PRSS21: variants seen among roughly 807,000 people sequenced by gnomAD.
The protein encoded by PRSS21 is serine protease 21, also known as testisin.
PRSS21 carries 40 observed loss-of-function variants against 31.1 expected under a neutral mutation model. The observed-to-expected ratio is 1.29, with a 90% confidence interval of 1.00 to 1.68. PRSS21 has a LOEUF of 1.68. Ranked by LOEUF, PRSS21 falls within the 40% of genes most tolerant of loss-of-function variation. PRSS21 has a pLI of 0.00. For missense variants in PRSS21, 467 were observed against 412.6 expected, an observed-to-expected ratio of 1.13 and a Z score of -1.14; for synonymous variants, 186 against 167.7, an observed-to-expected ratio of 1.11 and a Z score of -0.84.
Position 2,817,596 on chromosome 16 carries a change from A to T in PRSS21, c.91+140A>T. On this transcript the variant is annotated intron_variant, in intron 2 of 5. Transcript: ENST00000005995. This position sits in a 1 kb window ranked among gnomAD's most constrained non-coding sequence, Gnocchi z 4.2. ...GAGAACTCTGTTGGCGTGGAAAGTA[A>T]CTAACGGACGCTGGAGGGGGATGGG... 1.5e-6 allele frequency: 2 copies of T among 1,360,694 alleles called. 1 individual carries two copies. The highest frequency in any genetic ancestry group is 2.0e-6 in the Non-Finnish European group (2 of 1,018,902). The allele number at this position is 1,360,694 out of a possible 1,614,324, so 84.3% of individuals were successfully genotyped here. A position where few individuals can be genotyped will look rare whatever the true frequency, so the allele number is the denominator to read the frequency against.
rs750672979 is a variant in PRSS21 at position 2,821,596 on chromosome 16, G to A, written c.936G>A (p.Gly312=). The A allele has an allele frequency of 3.1e-6, 5 of 1,612,220 alleles. No homozygotes were observed. Among genetic ancestry groups the A allele is most frequent in the Non-Finnish European group, 4.2e-6 (5 of 1,179,614 alleles). Residue 312 remains glycine (G), a synonymous_variant, in exon 6 of 6, where the codon GGG becomes GGA. Transcript: ENST00000005995. Reference sequence around the variant, plus strand: ...TTCTCTGGGCTCTCCCACTCCTGGGGCCGGTCTGAGCCTACCTGAGCCCAT... The same window carrying A: ...TTCTCTGGGCTCTCCCACTCCTGGGACCGGTCTGAGCCTACCTGAGCCCAT... The part of the protein sequence containing the change: ...FPLLWALPLL[G]PV
chr16:2,820,770 G>T (rs1185496488), intron 4 of PRSS21, among the ~76,000 whole-genome samples, 185 bp from the exon 5 acceptor site: 1 of 152,156 alleles, frequency 6.6e-6, no homozygotes, highest in African/African-American at 2.4e-5. Context: ...TCCCTCCCCG[G>T]GGCCTTCTGT....
In PRSS21 at chr16:2,817,586, G is replaced by C; in HGVS notation, c.91+130G>C. ...CCCCGGGATCGAGAACTCTGTTGGC[G>C]TGGAAAGTAACTAACGGACGCTGGA... is the stretch of plus-strand genomic sequence containing the variant. On this transcript the variant is annotated intron_variant, in intron 2 of 5. Transcript: ENST00000005995. This position sits in a 1 kb window ranked among gnomAD's most constrained non-coding sequence, Gnocchi z 4.2. The C allele has an allele frequency of 1.4e-6, 2 of 1,395,458 alleles. No homozygotes were observed. The highest frequency in any genetic ancestry group is 2.5e-5 in the East Asian group (1 of 39,920). 86.4% of individuals were successfully genotyped at this position (1,395,458 alleles called of 1,614,324 possible). A position where few individuals can be genotyped will look rare whatever the true frequency, so the allele number is the denominator to read the frequency against.
rs2069086372 is a variant in PRSS21 at position 2,817,244 on chromosome 16, G to C, written c.-25G>C. 1 of 1,489,118 alleles carries C rather than the reference G, an allele frequency of 6.7e-7. No individual in the cohort carries two copies. The highest frequency in any genetic ancestry group is 1.5e-5 in the African/African-American group (1 of 68,208). 92.2% of individuals were successfully genotyped at this position (1,489,118 alleles called of 1,614,324 possible). A position where few individuals can be genotyped will look rare whatever the true frequency, so the allele number is the denominator to read the frequency against. On this transcript the variant is annotated 5_prime_UTR_variant, in exon 1 of 6. Transcript: ENST00000005995. This position sits in a 1 kb window ranked among gnomAD's most constrained non-coding sequence, Gnocchi z 4.2. ...CCCGGCGCGAGAGGAGGCAGAGGGG[G>C]CGTCAGGCCGCGGGAGAGGAGGCCA...
rs2069108659 is a variant in PRSS21 at position 2,817,954 on chromosome 16, A to ACTG, written c.248_250dup (p.Cys83dup). Reference sequence around the variant, plus strand: ...CACCGCTGGGCACTCACGGCGGCGCACTGCTTTGAAACGTGAGTGGGGGTG... The same window carrying ACTG: ...CACCGCTGGGCACTCACGGCGGCGCACTGCTGCTTTGAAACGTGAGTGGGGGTG... On this transcript the variant is annotated inframe_insertion, in exon 3 of 6. Coordinates refer to ENST00000005995, the MANE Select transcript of PRSS21 (RefSeq NM_006799.4). This position sits in a 1 kb window ranked among gnomAD's most constrained non-coding sequence, Gnocchi z 4.2. 12 of 1,548,828 alleles carry ACTG rather than the reference A, an allele frequency of 7.7e-6. No individual in the cohort carries two copies. Among genetic ancestry groups the ACTG allele is most frequent in the African/African-American group, 1.4e-5 (1 of 73,154 alleles).
intron 3 of PRSS21, among the ~76,000 whole-genome samples, chr16:2,818,215 C>T (rs2069113005): frequency 6.6e-6 from 1 of 152,216 alleles, no homozygotes; most frequent in Non-Finnish European, 1.5e-5. Flanking sequence ...TTTCCACACA[C>T]TTTTGGGTAT....
At chr16:2,819,835 G>A (rs757786861) in intron 4 of PRSS21, among the ~76,000 whole-genome samples, 2 of 152,198 alleles carry the variant, frequency 1.3e-5, no homozygotes, top group Non-Finnish European at 2.9e-5. Context: ...GAGAAGTCAG[G>A]GCCCCTTGCC....
chr16:2,820,127 T>G (rs554727119), intron 4 of PRSS21, among the ~76,000 whole-genome samples: 51 of 152,288 alleles, frequency 3.3e-4, no homozygotes, highest in African/African-American at 1.1e-3. Flanking sequence ...CTGCCTGGTG[T>G]GCACCTTTGC....
In PRSS21 at chr16:2,817,949, G is replaced by T. The variant is rs1160419406; in HGVS notation, c.240G>T (p.Ala80=). 5 of 1,548,978 alleles carry T rather than the reference G, an allele frequency of 3.2e-6. No individual in the cohort carries two copies. The South Asian group carries it at 6.0e-5, about 18-fold the overall frequency. The change falls in exon 3 of 6, where the codon GCG becomes GCT. Residue 80 remains alanine, a synonymous_variant. Transcript: ENST00000005995. This position sits in a 1 kb window ranked among gnomAD's most constrained non-coding sequence, Gnocchi z 4.2. ...TCAGCCACCGCTGGGCACTCACGGC[G>T]GCGCACTGCTTTGAAACGTGAGTGG... is the stretch of plus-strand genomic sequence containing the variant. ...SLLSHRWALT[A]AHCFETYSDL... is the part of the protein sequence containing the mutation.
At position 2,818,963 on chromosome 16, in the gene PRSS21, G is replaced by T. The variant is rs773215467; in HGVS notation, c.544G>T (p.Asp182Tyr). 1.2e-6 allele frequency: 2 copies of T among 1,613,844 alleles called. No individual in the cohort carries two copies. The highest frequency in any genetic ancestry group is 2.7e-5 in the African/African-American group (2 of 74,938). The change falls in exon 4 of 6, where the codon GAT (aspartate) becomes TAT (tyrosine). Residue 182 changes from aspartate to tyrosine, a missense_variant. By Grantham distance (160) the Asp-to-Tyr change is radical. Transcript: ENST00000005995. Reference sequence around the variant, plus strand: ...GACTGGCTGGGGGTACATCAAAGAGGATGAGGGTGAGGCTGGGGACAGGCG... The same window carrying T: ...GACTGGCTGGGGGTACATCAAAGAGTATGAGGGTGAGGCTGGGGACAGGCG... Reference protein sequence around the residue: ...WVTGWGYIKEDEALPSPHTLQ... With the variant: ...WVTGWGYIKEYEALPSPHTLQ...
chr16:2,818,378 G>A (rs560031889), intron 3 of PRSS21, among the ~76,000 whole-genome samples: 1 of 152,294 alleles, frequency 6.6e-6, no homozygotes, highest in Non-Finnish European at 1.5e-5. Flanking sequence ...TCCCACATTG[G>A]CGTGGTGCAT....
rs780568427 is a variant in PRSS21, at chr16:2,817,354, C to A, written c.64+22C>A. On this transcript the variant is annotated intron_variant, in intron 1 of 5. Transcript: ENST00000005995. The surrounding 1 kb of genome is among the most constrained non-coding windows in gnomAD (Gnocchi z 4.2). ...CCGGGTGAGCTCGGGGCGCTGCTGG[C>A]GGGATGGGGAGGCGGGGGAGCGGTG... 4.5e-6 allele frequency: 6 copies of A among 1,345,486 alleles called. No individual in the cohort carries two copies. The South Asian group carries it at 6.0e-5, about 14-fold the overall frequency. 83.3% of individuals were successfully genotyped at this position (1,345,486 alleles called of 1,614,324 possible). A position where few individuals can be genotyped will look rare whatever the true frequency, so the allele number is the denominator to read the frequency against.
rs1460025926 is a variant in PRSS21, at chr16:2,817,639, G to A, written c.92-162G>A. 7 of 1,259,916 alleles carry A rather than the reference G, an allele frequency of 5.6e-6. No homozygotes were observed. The highest frequency in any genetic ancestry group is 1.4e-5 in the South Asian group (1 of 69,060). 78.0% of individuals were successfully genotyped at this position (1,259,916 alleles called of 1,614,324 possible). A position where few individuals can be genotyped will look rare whatever the true frequency, so the allele number is the denominator to read the frequency against. On this transcript the variant is annotated intron_variant, in intron 2 of 5. Coordinates refer to ENST00000005995, the MANE Select transcript of PRSS21 (RefSeq NM_006799.4). The surrounding 1 kb of genome is among the most constrained non-coding windows in gnomAD (Gnocchi z 4.2). ...GGGATGGGCGGGCCCTGCAGAGCACGTGGGAGGATCTCCAGTGTCACCTAC... is the reference window on the plus strand; with the variant it reads ...GGGATGGGCGGGCCCTGCAGAGCACATGGGAGGATCTCCAGTGTCACCTAC...
At position 2,817,603 on chromosome 16, in the gene PRSS21, G is replaced by T; in HGVS notation, c.91+147G>T. 7.5e-7 allele frequency: 1 copy of T among 1,332,108 alleles called. No homozygotes were observed. Among genetic ancestry groups the T allele is most frequent in the Non-Finnish European group, 1.0e-6 (1 of 992,948 alleles). The allele number at this position is 1,332,108 out of a possible 1,614,324, so 82.5% of individuals were successfully genotyped here. A position where few individuals can be genotyped will look rare whatever the true frequency, so the allele number is the denominator to read the frequency against. ...CTGTTGGCGTGGAAAGTAACTAACG[G>T]ACGCTGGAGGGGGATGGGCGGGCCC... On this transcript the variant is annotated intron_variant, in intron 2 of 5. Coordinates refer to ENST00000005995, the MANE Select transcript of PRSS21 (RefSeq NM_006799.4). This position sits in a 1 kb window ranked among gnomAD's most constrained non-coding sequence, Gnocchi z 4.2.
chr16:2,818,052 TGCCAGACTTGG>T lies in PRSS21; in HGVS notation c.257+89_257+99del, dbSNP rs2069110583. The T allele has an allele frequency of 2.1e-6, 3 of 1,443,618 alleles. No homozygotes were observed. In the East Asian group the frequency reaches 7.5e-5, roughly 36 times the overall value. The allele number at this position is 1,443,618 out of a possible 1,614,324, so 89.4% of individuals were successfully genotyped here. A position where few individuals can be genotyped will look rare whatever the true frequency, so the allele number is the denominator to read the frequency against. On this transcript the variant is annotated intron_variant, in intron 3 of 5. Coordinates refer to ENST00000005995, the MANE Select transcript of PRSS21 (RefSeq NM_006799.4). ...CCACCGAACTTTACCTCTGGTCTGATGCCAGACTTGGGCGTGAAAGTTGTGCGTGGATGCGG... is the reference window on the plus strand; with the variant it reads ...CCACCGAACTTTACCTCTGGTCTGATGCGTGAAAGTTGTGCGTGGATGCGG...
rs1489802301 is a variant in PRSS21 at position 2,818,815 on chromosome 16, G to T, written c.396G>T (p.Gly132=). 6.2e-7 allele frequency: 1 copy of T among 1,613,766 alleles called. No homozygotes were observed. The highest frequency in any genetic ancestry group is 2.2e-5 in the East Asian group (1 of 44,880). ...TCTATCTGAGCCCTCGCTACCTGGG[G>T]AATTCACCCTATGACATTGCCTTGG... The part of the protein sequence containing the change: ...SNIYLSPRYL[G]NSPYDIALVK... The change falls in exon 4 of 6, where the codon GGG becomes GGT. Residue 132 remains glycine, a synonymous_variant. Coordinates refer to ENST00000005995, the MANE Select transcript of PRSS21 (RefSeq NM_006799.4).
At chr16:2,818,344 G>A (rs923950104) in intron 3 of PRSS21, among the ~76,000 whole-genome samples, 9 of 152,308 alleles carry the variant, frequency 5.9e-5, no homozygotes, top group African/African-American at 1.9e-4. Context: ...CCCCCGGGCC[G>A]CTGTGTGGAC....
chr16:2,820,459 C>T (rs954259685), intron 4 of PRSS21, among the ~76,000 whole-genome samples: 1 of 152,154 alleles, frequency 6.6e-6, no homozygotes, highest in African/African-American at 2.4e-5. Context: ...CCCTGACTCT[C>T]CTTATCTGGG....
chr16:2,821,047 A>T lies in PRSS21; in HGVS notation c.643A>T (p.Lys215Ter). 6.2e-7 allele frequency: 1 copy of T among 1,614,160 alleles called. No homozygotes were observed. The highest frequency in any genetic ancestry group is 8.5e-7 in the Non-Finnish European group (1 of 1,180,020). ...NHLFLKYSFR[K>*]DIFGDMVCAG... ...CCTCTTCCTCAAGTACAGTTTCCGC[A>T]AGGACATCTTTGGAGACATGGTTTG... The change falls in exon 5 of 6, where the codon AAG becomes TAG. Residue 215 changes from lysine to a stop codon, truncating the protein, a stop_gained. Transcript: ENST00000005995. LOFTEE classifies it high-confidence loss of function.
Sources: gnomAD v4.1 joint callset for allele counts (sites outside exome capture counted in the v4.1 genomes callset) on GRCh38, gnomAD v4.1.1 for gene constraint, Gnocchi (gnomAD v3.1) non-coding constraint, MANE v1.5 for transcripts, NCBI Gene and HGNC (gene_info 2026-07-23, HGNC 2026-07-21) for gene names.